Variants in JPH1 observed in about 807,000 individuals in gnomAD.
JPH1 encodes the protein junctophilin-1.
A neutral mutation model predicts 53.6 loss-of-function variants in JPH1; 12 were observed. The observed-to-expected ratio is 0.22, with a 90% CI of 0.14 to 0.36. JPH1 has a LOEUF of 0.36. JPH1 is among the 10% of genes least tolerant of loss of function. The probability of loss-of-function intolerance (pLI) is 1.00; values close to 1 mark genes in which losing one functional copy is unlikely to be tolerated. For missense variants in JPH1, 808 were observed against 905.5 expected (o/e 0.89, Z 1.38); for synonymous variants, 375 against 363.8 (o/e 1.03, Z -0.35).
intron 3 of JPH1, among the ~76,000 whole-genome samples, chr8:74,247,390 C>T (rs1197213186): frequency 6.6e-6 from 1 of 152,074 alleles, no homozygotes. Flanking sequence ...GGCCTTGGAG[C>T]CAACGGACTT....
rs953343224 is a variant in JPH1 at position 74,314,356 on chromosome 8, C to T, written c.1139+505G>A. Among the ~76,000 whole-genome samples the T allele has an allele frequency of 1.6e-4, 25 of 152,320 alleles. 1 individual carries two copies. The highest frequency in any genetic ancestry group is 4.8e-4 in the African/African-American group (20 of 41,572). Reference sequence around the variant, plus strand: ...AAAACCAATTTTACCTATAAGACTTCATAAACAGAATCTGAATTGTATAAG... The same window carrying T: ...AAAACCAATTTTACCTATAAGACTTTATAAACAGAATCTGAATTGTATAAG... On this transcript the variant is annotated intron_variant, in intron 2 of 5. Transcript: ENST00000342232.
At position 74,315,281 on chromosome 8, in the gene JPH1, C is replaced by A. The variant is rs1482597158; in HGVS notation, c.719G>T (p.Arg240Leu). ...AATTCTGCTCATGGCCGCGTCGCTG[C>A]GGACAGAGCTGCGCTTGCTCGAGAT... ...SSISSKRSSV[R>L]SDAAMSRISS... Residue 240 changes from arginine to leucine, a missense_variant, in exon 2 of 6, where the codon CGC becomes CTC. Around this residue, in one of 2 missense-constraint regions of JPH1, gnomAD observed 756 missense variants for 811.9 expected, o/e 0.93. Transcript: ENST00000342232. The surrounding 1 kb of genome is among the most constrained non-coding windows in gnomAD (Gnocchi z 6.3). 1 of 1,614,152 alleles carries A rather than the reference C, an allele frequency of 6.2e-7. No homozygotes were observed. The highest frequency in any genetic ancestry group is 8.5e-7 in the Non-Finnish European group (1 of 1,180,052).
chr8:74,262,990 T>C (rs1309646353), intron 2 of JPH1, among the ~76,000 whole-genome samples: 2 of 152,262 alleles, frequency 1.3e-5, no homozygotes, highest in Admixed American at 6.5e-5. Flanking sequence ...ACTGAAATAG[T>C]GTTTTATGAG....
In JPH1 at chr8:74,244,867, C is replaced by G. The variant is rs145464761; in HGVS notation, c.1567G>C (p.Ala523Pro). ...TTGGACTGGGGCACAACCGCTCCTG[C>G]CTCCTTCGTGGGAGCCTTTGACATC... ...PLMSKAPTKE[A>P]GAVVPQSKYS... is the part of the protein sequence containing the mutation. Residue 523 changes from alanine (A) to proline (P), a missense_variant, in exon 4 of 6, where the codon GCA becomes CCA. Physicochemically the swap from Ala to Pro is conservative, Grantham distance 27 (BLOSUM62 -1). Transcript: ENST00000342232. 1.4e-4 allele frequency: 224 copies of G among 1,614,198 alleles called. 1 individual carries two copies. The African/African-American group carries it at 2.5e-3, about 18-fold the overall frequency.
At chr8:74,247,288 G>A (rs576281679) in intron 3 of JPH1, among the ~76,000 whole-genome samples, 4 of 152,230 alleles carry the variant, frequency 2.6e-5, no homozygotes, top group South Asian at 2.1e-4. Context: ...TTTTATTTGT[G>A]CTTTACTGAT....
At chr8:74,269,106 G>T (rs540510236) in intron 2 of JPH1, among the ~76,000 whole-genome samples, 63 of 152,240 alleles carry the variant, frequency 4.1e-4, no homozygotes, top group African/African-American at 1.3e-3. Flanking sequence ...ATCTAAAATG[G>T]TTCTCTAGAA....
Position 74,244,648 on chromosome 8 carries a change from T to C in JPH1, c.1786A>G (p.Thr596Ala), listed in dbSNP as rs1299431674. ...ANKWSPSKSVTKPVAKESKAE... is the reference protein window; with the variant it reads ...ANKWSPSKSVAKPVAKESKAE... ...TTGCTTTCTTTGGCAACTGGTTTTG[T>C]CACAGATTTGGAGGGACTCCACTTG... Residue 596 changes from threonine to alanine, a missense_variant, in exon 4 of 6, where the codon ACA (threonine) becomes GCA (alanine). Transcript: ENST00000342232. 1 of 1,614,242 alleles carries C rather than the reference T, an allele frequency of 6.2e-7. No homozygotes were observed. The highest frequency in any genetic ancestry group is 1.1e-5 in the South Asian group (1 of 91,086).
chr8:74,271,927 T>C (rs1031282806), intron 2 of JPH1, among the ~76,000 whole-genome samples: 1 of 152,162 alleles, frequency 6.6e-6, no homozygotes, highest in Non-Finnish European at 1.5e-5. Context: ...AAAACGGCAT[T>C]TGTTCCACAG....
chr8:74,320,779 G>A lies in JPH1; in HGVS notation c.379+130C>T. Reference sequence around the variant, plus strand: ...AAGGCGGGCGCGGGCGCGGGGGTGGGAGGCGCCCCCAGGTGTTTTGGCGGG... The same window carrying A: ...AAGGCGGGCGCGGGCGCGGGGGTGGAAGGCGCCCCCAGGTGTTTTGGCGGG... On this transcript the variant is annotated intron_variant, in intron 1 of 5. Coordinates refer to ENST00000342232, the MANE Select transcript of JPH1 (RefSeq NM_020647.4). This position sits in a 1 kb window ranked among gnomAD's most constrained non-coding sequence, Gnocchi z 4.4. 8.7e-7 allele frequency: 1 copy of A among 1,142,894 alleles called. No homozygotes were observed. The highest frequency in any genetic ancestry group is 1.2e-6 in the Non-Finnish European group (1 of 864,290). The allele number at this position is 1,142,894 out of a possible 1,614,324, so 70.8% of individuals were successfully genotyped here. A position where few individuals can be genotyped will look rare whatever the true frequency, so the allele number is the denominator to read the frequency against.
At chr8:74,297,355 TCAAA>T (rs1219017333) in intron 2 of JPH1, among the ~76,000 whole-genome samples, 1 of 152,180 alleles carries the variant, frequency 6.6e-6, no homozygotes, top group Non-Finnish European at 1.5e-5. Flanking sequence ...GAGAGGGACG[TCAAA>T]CAGAGTAAAC....
In JPH1 at chr8:74,315,100, A is replaced by G; in HGVS notation, c.900T>C (p.Asn300=). 6.2e-7 allele frequency: 1 copy of G among 1,614,192 alleles called. No homozygotes were observed. Among genetic ancestry groups the G allele is most frequent in the Non-Finnish European group, 8.5e-7 (1 of 1,180,020 alleles). ...CCCACTCCCCTTCATACTTCATGCC[A>G]TTGGAGCGCTCGCTAACGCCGAAGC... The part of the protein sequence containing the change: ...RNGFGVSERS[N]GMKYEGEWAN... Residue 300 remains asparagine (N), a synonymous_variant, in exon 2 of 6, where the codon AAT becomes AAC. Coordinates refer to ENST00000342232, the MANE Select transcript of JPH1 (RefSeq NM_020647.4). This position sits in a 1 kb window ranked among gnomAD's most constrained non-coding sequence, Gnocchi z 6.3.
intron 2 of JPH1, among the ~76,000 whole-genome samples, chr8:74,289,935 G>A (rs1040025459): frequency 6.6e-6 from 1 of 152,106 alleles, no homozygotes; most frequent in African/African-American, 2.4e-5. Context: ...TGATCGTGGT[G>A]GATAAGCTTT....
Position 74,314,951 on chromosome 8 carries a change from G to C in JPH1, c.1049C>G (p.Thr350Arg). 6.2e-7 allele frequency: 1 copy of C among 1,614,162 alleles called. No individual in the cohort carries two copies. ...TCTGTCCACCTTCTCCCTAGTTTTT[G>C]TATGTCTTATTGGTATAAGCTGCTT... The part of the protein sequence containing the change: ...IRKQLIPIRH[T>R]KTREKVDRAI... The change falls in exon 2 of 6, where the codon ACA becomes AGA. Residue 350 changes from threonine (T) to arginine (R), a missense_variant. Coordinates refer to ENST00000342232, the MANE Select transcript of JPH1 (RefSeq NM_020647.4).
chr8:74,280,216 G>A (rs1158898515), intron 2 of JPH1, among the ~76,000 whole-genome samples: 1 of 152,126 alleles, frequency 6.6e-6, no homozygotes, highest in Admixed American at 6.6e-5. Flanking sequence ...TAACACTCGA[G>A]GATTAATAGT....
intron 2 of JPH1, among the ~76,000 whole-genome samples, chr8:74,275,678 A>C (rs1806825651): frequency 6.6e-6 from 1 of 152,244 alleles, no homozygotes; most frequent in Non-Finnish European, 1.5e-5. Context: ...ATCTGGATCA[A>C]GAACCTGCCT....
intron 2 of JPH1, among the ~76,000 whole-genome samples, chr8:74,292,786 T>G (rs1014301961): frequency 6.6e-6 from 1 of 152,196 alleles, no homozygotes; most frequent in East Asian, 1.9e-4. Flanking sequence ...CACAGAAATG[T>G]AGATGTGTAG....
chr8:74,274,906 A>G (rs1158449934), intron 2 of JPH1, among the ~76,000 whole-genome samples: 1 of 152,204 alleles, frequency 6.6e-6, no homozygotes, highest in Non-Finnish European at 1.5e-5. Context: ...CTTAAATTAT[A>G]TGATCATATT....
At chr8:74,303,929 C>G (rs1346709227) in intron 2 of JPH1, among the ~76,000 whole-genome samples, 1 of 151,938 alleles carries the variant, frequency 6.6e-6, no homozygotes, top group Non-Finnish European at 1.5e-5. Flanking sequence ...AGAGACCCTC[C>G]TCATCTCTCA....
In JPH1 at chr8:74,291,616, C is replaced by G. The variant is rs572682053; in HGVS notation, c.1139+23245G>C. Among the ~76,000 whole-genome samples, 3 of 152,336 alleles carry G rather than the reference C, an allele frequency of 2.0e-5. No homozygotes were observed. The East Asian group carries it at 5.8e-4, about 29-fold the overall frequency. ...TAGAAATACCATTTGACCCAGCCAT[C>G]CCATTACTGGGTATATACCCAAAGG... On this transcript the variant is annotated intron_variant, in intron 2 of 5. Coordinates refer to ENST00000342232, the MANE Select transcript of JPH1 (RefSeq NM_020647.4).
Sources: gnomAD v4.1 joint callset for allele counts (sites outside exome capture counted in the v4.1 genomes callset) on GRCh38, gnomAD v4.1.1 for gene constraint, gnomAD v4.1.1 regional missense constraint, Gnocchi (gnomAD v3.1) non-coding constraint, MANE v1.5 for transcripts, NCBI Gene and HGNC (gene_info 2026-07-23, HGNC 2026-07-21) for gene names.